MED13L: variants seen among roughly 807,000 people sequenced by gnomAD.
The protein encoded by MED13L is mediator complex subunit 13L.
MED13L carries 7 observed loss-of-function variants against 220.9 expected under a neutral mutation model. The ratio of observed to expected loss-of-function variants is 0.03; its 90% CI spans 0.02 to 0.06. The LOEUF (loss-of-function observed/expected upper bound fraction) is 0.06. Ranked by LOEUF, MED13L falls within the 10% of genes least tolerant of loss-of-function variation. The pLI, the probability that MED13L is intolerant of heterozygous loss-of-function variation, is 1.00. For synonymous variants in MED13L, 1,011 were observed against 1,015.2 expected, an observed-to-expected ratio of 1.00 and a Z score of 0.08; for missense variants, 1,965 against 2,760.5, an observed-to-expected ratio of 0.71 and a Z score of 6.46.
At chr12:116,123,661 T>C (rs1875291023) in intron 2 of MED13L, among the ~76,000 whole-genome samples, 1 of 152,142 alleles carries the variant, frequency 6.6e-6, no homozygotes, top group South Asian at 2.1e-4. Context: ...CTCAAACAGT[T>C]GTCTGTCACT....
At chr12:115,981,113 C>A (rs898516759) in intron 22 of MED13L, among the ~76,000 whole-genome samples, 175 bp from the exon 23 acceptor site, 1 of 152,162 alleles carries the variant, frequency 6.6e-6, no homozygotes, top group African/African-American at 2.4e-5. Context: ...AATCCTAATT[C>A]CTTCCGCTGA....
intron 2 of MED13L, among the ~76,000 whole-genome samples, chr12:116,197,118 C>A (rs1881681821): frequency 6.6e-6 from 1 of 152,170 alleles, no homozygotes. Flanking sequence ...TTACTTTAGT[C>A]TAAGCCTCCA....
At chr12:116,179,350 C>CT (rs1277937515) in intron 2 of MED13L, among the ~76,000 whole-genome samples, 1 of 152,006 alleles carries the variant, frequency 6.6e-6, no homozygotes, top group African/African-American at 2.4e-5. Context: ...TGGCTCACGT[C>CT]TATAACCCCA....
At chr12:116,275,058 T>A (rs1243404409) in intron 1 of MED13L, among the ~76,000 whole-genome samples, 1 of 152,062 alleles carries the variant, frequency 6.6e-6, no homozygotes, top group Non-Finnish European at 1.5e-5. Context: ...TACTTTCATT[T>A]GTCTACAGAA....
intron 4 of MED13L, among the ~76,000 whole-genome samples, chr12:116,026,214 A>C (rs1592960591): frequency 6.6e-6 from 1 of 152,338 alleles, no homozygotes; most frequent in Middle Eastern, 3.4e-3. Flanking sequence ...CAGTTAATTT[A>C]AGGATTGGTT....
intron 4 of MED13L, among the ~76,000 whole-genome samples, chr12:116,089,853 T>C (rs1342062303): frequency 1.3e-5 from 2 of 152,200 alleles, no homozygotes; most frequent in Non-Finnish European, 2.9e-5. Flanking sequence ...TCCAGGCATA[T>C]TCATTTTTAC....
rs575756630 is a variant in MED13L, at chr12:116,180,221, T to C, written c.310+57247A>G. On this transcript the variant is annotated intron_variant, in intron 2 of 30. Coordinates refer to ENST00000281928, the MANE Select transcript of MED13L (RefSeq NM_015335.5). ...AGGACAGACAGCTCCACAAACAACA[T>C]CCAGCCCAAATGTCAATACAGGTTG... Among the ~76,000 whole-genome samples, 36 of 152,180 alleles carry C rather than the reference T, an allele frequency of 2.4e-4. No homozygotes were observed. The South Asian group carries it at 7.3e-3, about 31-fold the overall frequency.
intron 4 of MED13L, among the ~76,000 whole-genome samples, chr12:116,060,226 G>A (rs1298315425): frequency 2.6e-5 from 4 of 151,630 alleles, no homozygotes; most frequent in East Asian, 1.9e-4. Flanking sequence ...CACTCTATTC[G>A]AATTAGACAC....
At chr12:116,177,571 C>T (rs139392738) in intron 2 of MED13L, among the ~76,000 whole-genome samples, 1,842 of 152,156 alleles carry the variant, frequency 0.012, 21 homozygotes, top group Admixed American at 0.016. Context: ...AATAATAATG[C>T]TATTTATATA....
chr12:116,207,777 A>T (rs1169980244), intron 2 of MED13L, among the ~76,000 whole-genome samples: 1 of 151,994 alleles, frequency 6.6e-6, no homozygotes, highest in Admixed American at 6.6e-5. Context: ...TTTATGTTTT[A>T]AAAAAAGAAA....
chr12:115,993,632 C>T (rs962677083), intron 16 of MED13L, among the ~76,000 whole-genome samples: 3 of 151,888 alleles, frequency 2.0e-5, no homozygotes, highest in Non-Finnish European at 4.4e-5. Context: ...TGTGTAATAA[C>T]GATCTTTACT....
At chr12:116,173,667 G>A (rs1209270828) in intron 2 of MED13L, among the ~76,000 whole-genome samples, 1 of 152,092 alleles carries the variant, frequency 6.6e-6, no homozygotes, top group Non-Finnish European at 1.5e-5. Flanking sequence ...TACAGAGCAT[G>A]CATTTGCTGG....
At chr12:116,237,427 T>C (rs755276072) in intron 2 of MED13L, 41 bp downstream of exon 2, 2 of 1,458,562 alleles carry the variant, frequency 1.4e-6, no homozygotes, top group Non-Finnish European at 1.9e-6. Flanking sequence ...TTCAAAAAAA[T>C]ATGATGCAAA....
At chr12:116,241,347 C>T (rs575456463) in intron 1 of MED13L, among the ~76,000 whole-genome samples, 2 of 147,652 alleles carry the variant, frequency 1.4e-5, no homozygotes, top group Admixed American at 6.7e-5. Context: ...AAAAAACACA[C>T]ACACACACAC....
At chr12:116,201,441 G>A (rs559353739) in intron 2 of MED13L, among the ~76,000 whole-genome samples, 13 of 151,904 alleles carry the variant, frequency 8.6e-5, no homozygotes, top group Admixed American at 5.9e-4. Flanking sequence ...CATTAACCCC[G>A]AGAAATAAAA....
chr12:116,032,343 T>G (rs1242234306), intron 4 of MED13L, among the ~76,000 whole-genome samples: 1 of 152,118 alleles, frequency 6.6e-6, no homozygotes, highest in Non-Finnish European at 1.5e-5. Context: ...CCTGCTAGTA[T>G]CACTATTTAT....
intron 4 of MED13L, among the ~76,000 whole-genome samples, chr12:116,029,662 A>T (rs1235765006): frequency 6.6e-6 from 1 of 152,210 alleles, no homozygotes; most frequent in African/African-American, 2.4e-5. Flanking sequence ...ATAAATATAT[A>T]AAGAGAAACT....
Position 115,961,285 on chromosome 12 carries a change from G to C in MED13L, c.6614C>G (p.Ala2205Gly). Reference sequence around the variant, plus strand: ...TTCCAATTAAAGTATATTCATGATGGCATTGTACAACTGAGTGAGCACCAC... The same window carrying C: ...TTCCAATTAAAGTATATTCATGATGCCATTGTACAACTGAGTGAGCACCAC... Reference protein sequence around the residue: ...HFVVLTQLYNAIMNIL With the variant: ...HFVVLTQLYNGIMNIL Residue 2205 changes from alanine (A) to glycine (G), a missense_variant, in exon 31 of 31, where the codon GCC (alanine) becomes GGC (glycine). Physicochemically the swap from Ala to Gly is moderately conservative, Grantham distance 60. Transcript: ENST00000281928. 1 of 1,614,170 alleles carries C rather than the reference G, an allele frequency of 6.2e-7. No homozygotes were observed. The highest frequency in any genetic ancestry group is 1.1e-5 in the South Asian group (1 of 91,088).
rs148595521 is a variant in MED13L at position 116,084,698 on chromosome 12, T to C, written c.479+11971A>G. On this transcript the variant is annotated intron_variant, in intron 4 of 30. Coordinates refer to ENST00000281928, the MANE Select transcript of MED13L (RefSeq NM_015335.5). Reference sequence around the variant, plus strand: ...TACTCAGGAGGCTGAAGCAGGACAATTGCTTGAACCCAAGAGGCGGAGGTT... The same window carrying C: ...TACTCAGGAGGCTGAAGCAGGACAACTGCTTGAACCCAAGAGGCGGAGGTT... Among the ~76,000 whole-genome samples the C allele has an allele frequency of 3.6e-3, 543 of 151,924 alleles. 4 individuals carry two copies. The highest frequency in any genetic ancestry group is 0.032 in the East Asian group (164 of 5,152).
Sources: allele counts gnomAD v4.1 joint callset (sites outside exome capture counted in the v4.1 genomes callset), GRCh38; gene constraint gnomAD v4.1.1; transcripts MANE v1.5; gene names NCBI Gene and HGNC (gene_info 2026-07-23, HGNC 2026-07-21).